The following SYN3 variants were observed in gnomAD, a reference collection of about 807,000 sequenced individuals.
SYN3 encodes synapsin III.
A neutral mutation model predicts 65.8 loss-of-function variants in SYN3; 35 were observed. The observed-to-expected ratio is 0.53, with a 90% CI of 0.41 to 0.70. The LOEUF is 0.70. Among genes scored for constraint, SYN3 ranks in the 30% least tolerant of loss-of-function variants. The pLI is 0.00. For missense variants in SYN3, 680 were observed against 749.0 expected (o/e 0.91, Z 1.08); for synonymous variants, 270 against 292.9 (o/e 0.92, Z 0.80).
At chr22:32,621,297 C>CTTTTTTTTTTT (rs58499520) in intron 6 of SYN3, among the ~76,000 whole-genome samples, 1 of 140,974 alleles carries the variant, frequency 7.1e-6, no homozygotes. Context: ...TAACTTTTGC[C>CTTTTTTTTTTT]TTTTTTTTTT....
chr22:32,604,473 C>T (rs983896468), intron 6 of SYN3, among the ~76,000 whole-genome samples: 4 of 99,758 alleles, frequency 4.0e-5, no homozygotes, highest in African/African-American at 2.0e-4. Context: ...TCCCTGTTTC[C>T]CTGAGATACC....
At chr22:32,719,252 T>A (rs977025793) in intron 6 of SYN3, among the ~76,000 whole-genome samples, 1 of 152,228 alleles carries the variant, frequency 6.6e-6, no homozygotes, top group Non-Finnish European at 1.5e-5. Flanking sequence ...ATCTTTTGCG[T>A]CTCAGTTCCT....
intron 6 of SYN3, among the ~76,000 whole-genome samples, chr22:32,686,291 G>A (rs1213813507): frequency 2.0e-5 from 3 of 152,068 alleles, no homozygotes; most frequent in Non-Finnish European, 4.4e-5. Context: ...GGAGCAGGAG[G>A]AGAGTCTGTA....
At chr22:32,749,682 T>G (rs1482145345) in intron 6 of SYN3, among the ~76,000 whole-genome samples, 1 of 152,074 alleles carries the variant, frequency 6.6e-6, no homozygotes, top group Admixed American at 6.6e-5. Flanking sequence ...ATACATTTTG[T>G]AGGGGGGACA....
intron 9 of SYN3, among the ~76,000 whole-genome samples, chr22:32,537,237 G>A (rs989063567): frequency 3.3e-5 from 5 of 151,622 alleles, no homozygotes; most frequent in African/African-American, 7.3e-5. Context: ...TCAGCTCACC[G>A]CAACCTCCGC....
At chr22:32,655,352 G>A (rs1251351297) in intron 6 of SYN3, among the ~76,000 whole-genome samples, 1 of 152,162 alleles carries the variant, frequency 6.6e-6, no homozygotes, top group Admixed American at 6.5e-5. Flanking sequence ...CCCAGTCTGA[G>A]GTATTTTGTC....
intron 10 of SYN3, among the ~76,000 whole-genome samples, chr22:32,531,114 C>G (rs1401158612): frequency 6.9e-6 from 1 of 144,690 alleles, no homozygotes; most frequent in Non-Finnish European, 1.5e-5. Flanking sequence ...TTCCTCTTCC[C>G]TCTTTCCCCT....
At chr22:32,693,592 G>GTTTTTTTTTTTTTTTT (rs1189710191) in intron 6 of SYN3, among the ~76,000 whole-genome samples, 5 of 90,502 alleles carry the variant, frequency 5.5e-5, no homozygotes, top group African/African-American at 1.6e-4. Flanking sequence ...TCTGTAGCTT[G>GTTTTTTTTTTTTTTTT]TTTTTTTTTT....
chr22:32,938,503 C>A (rs1256976176), intron 3 of SYN3, among the ~76,000 whole-genome samples: 7 of 148,158 alleles, frequency 4.7e-5, no homozygotes, highest in African/African-American at 1.8e-4. Context: ...GCACTCCAGC[C>A]TGGGCAACAG....
At chr22:32,898,048 T>C (rs1361733397) in intron 4 of SYN3, among the ~76,000 whole-genome samples, 1 of 152,030 alleles carries the variant, frequency 6.6e-6, no homozygotes, top group Non-Finnish European at 1.5e-5. Flanking sequence ...CAGGCTGGAG[T>C]GCAATGGTGC....
chr22:32,517,252 C>G (rs1448906507), intron 13 of SYN3, among the ~76,000 whole-genome samples: 1 of 152,222 alleles, frequency 6.6e-6, no homozygotes, highest in Non-Finnish European at 1.5e-5. Context: ...ACTCCCAAGG[C>G]TGGGCCTCAA....
intron 6 of SYN3, among the ~76,000 whole-genome samples, chr22:32,639,040 G>A (rs188542867): frequency 1.2e-4 from 18 of 152,154 alleles, no homozygotes; most frequent in African/African-American, 4.3e-4. Context: ...TGCAAGCTCC[G>A]TCTCCTGGGT....
intron 6 of SYN3, among the ~76,000 whole-genome samples, chr22:32,781,519 C>G (rs924080361): frequency 1.3e-5 from 2 of 152,100 alleles, no homozygotes; most frequent in African/African-American, 4.8e-5. Context: ...CGATAATGCA[C>G]TTACCCCACA....
At chr22:32,710,055 G>C (rs1248294731) in intron 6 of SYN3, among the ~76,000 whole-genome samples, 1 of 142,116 alleles carries the variant, frequency 7.0e-6, no homozygotes, top group Non-Finnish European at 1.5e-5. Context: ...CTAAGTCAAA[G>C]AATATGTATA....
chr22:32,892,843 T>C (rs910378231), intron 4 of SYN3, among the ~76,000 whole-genome samples: 4 of 152,128 alleles, frequency 2.6e-5, no homozygotes, highest in Admixed American at 2.6e-4. Flanking sequence ...TGGGGGAAGC[T>C]ACCTATTTCT....
intron 4 of SYN3, among the ~76,000 whole-genome samples, chr22:32,885,163 A>C (rs1601620667): frequency 3.3e-5 from 1 of 29,858 alleles, no homozygotes; most frequent in African/African-American, 1.9e-4. Flanking sequence ...GTTGGGTGCA[A>C]AAAAAAAAAA....
chr22:32,944,931 C>A (rs533741625), intron 3 of SYN3, among the ~76,000 whole-genome samples: 24 of 152,288 alleles, frequency 1.6e-4, no homozygotes, highest in African/African-American at 5.8e-4. Context: ...TGAGTAAACT[C>A]CCATTCACAA....
intron 12 of SYN3, among the ~76,000 whole-genome samples, chr22:32,522,951 T>C (rs1405937682): frequency 1.3e-5 from 2 of 152,214 alleles, no homozygotes; most frequent in Non-Finnish European, 2.9e-5. Context: ...TACCTTGTTT[T>C]ATTGTGGTCC....
At chr22:33,038,514 G>C (rs2053901401) in intron 1 of SYN3, among the ~76,000 whole-genome samples, 1 of 152,174 alleles carries the variant, frequency 6.6e-6, no homozygotes, top group Admixed American at 6.5e-5. Context: ...CTTTCCCCCA[G>C]GGTCCAGACC....
Sources: allele counts gnomAD v4.1 joint callset (sites outside exome capture counted in the v4.1 genomes callset), GRCh38; gene constraint gnomAD v4.1.1; transcripts MANE v1.5; gene names NCBI Gene and HGNC (gene_info 2026-07-23, HGNC 2026-07-21).